CNTNAP5: variants seen among roughly 807,000 people sequenced by gnomAD.
CNTNAP5 encodes the protein contactin associated protein family member 5.
CNTNAP5 carries 72 observed loss-of-function variants against 150.2 expected under a neutral mutation model. The observed-to-expected ratio is 0.48, with a 90% confidence interval of 0.40 to 0.58. The LOEUF (loss-of-function observed/expected upper bound fraction) is 0.58. Ranked by LOEUF, CNTNAP5 falls within the 20% of genes least tolerant of loss-of-function variation. The pLI is 0.00. For synonymous variants in CNTNAP5, 672 were observed against 619.8 expected (o/e 1.08, Z -1.25); for missense variants, 1,636 against 1,626.2 (o/e 1.01, Z -0.10).
intron 3 of CNTNAP5, among the ~76,000 whole-genome samples, chr2:124,263,774 G>A (rs995985086): frequency 6.6e-6 from 1 of 152,198 alleles, no homozygotes; most frequent in East Asian, 1.9e-4. Flanking sequence ...GGGATTTTAT[G>A]GTTTTAGGTC....
At chr2:124,402,102 AG>A (rs898684176) in intron 3 of CNTNAP5, among the ~76,000 whole-genome samples, 25 of 152,344 alleles carry the variant, frequency 1.6e-4, no homozygotes, top group African/African-American at 6.0e-4. Flanking sequence ...TAACTTTCAC[AG>A]GGGTAAAAGA....
chr2:124,221,767 C>T lies in CNTNAP5; in HGVS notation c.145C>T (p.Leu49Phe). The T allele has an allele frequency of 1.9e-6, 3 of 1,611,234 alleles. No homozygotes were observed. The highest frequency in any genetic ancestry group is 2.5e-6 in the Non-Finnish European group (3 of 1,178,530). Residue 49 changes from leucine to phenylalanine, a missense_variant, in exon 2 of 24, where the codon CTC becomes TTC. Coordinates refer to ENST00000682447, the MANE Select transcript of CNTNAP5 (RefSeq NM_001367498.1). Reference sequence around the variant, plus strand: ...AATGGCTTTTTCCAGTTCCTCAGACCTCACTGGCACTCACAGCCCAGCTCA... The same window carrying T: ...AATGGCTTTTTCCAGTTCCTCAGACTTCACTGGCACTCACAGCCCAGCTCA... The part of the protein sequence containing the change: ...SPMAFSSSSD[L>F]TGTHSPAQLN...
chr2:124,642,769 G>T (rs952678861), intron 12 of CNTNAP5, among the ~76,000 whole-genome samples: 1 of 152,102 alleles, frequency 6.6e-6, no homozygotes, highest in South Asian at 2.1e-4. Context: ...ATGTACTCTG[G>T]TGGATAGCAG....
intron 3 of CNTNAP5, among the ~76,000 whole-genome samples, chr2:124,259,170 C>T (rs981507177): frequency 6.6e-6 from 1 of 152,062 alleles, no homozygotes; most frequent in African/African-American, 2.4e-5. Context: ...ATCCATGTCC[C>T]TACAAAGGAC....
At chr2:124,595,121 C>T (rs1696797867) in intron 11 of CNTNAP5, among the ~76,000 whole-genome samples, 1 of 148,596 alleles carries the variant, frequency 6.7e-6, no homozygotes, top group East Asian at 2.1e-4. Flanking sequence ...TAATTGAATA[C>T]CCTTTATTTC....
At chr2:124,640,237 T>C (rs1678062226) in intron 12 of CNTNAP5, among the ~76,000 whole-genome samples, 1 of 152,004 alleles carries the variant, frequency 6.6e-6, no homozygotes, top group Admixed American at 6.6e-5. Flanking sequence ...TCTTTGATCA[T>C]ACCTATTTTA....
chr2:124,361,056 G>A (rs200596368), intron 3 of CNTNAP5, among the ~76,000 whole-genome samples: 72,367 of 108,524 alleles, frequency 0.67, 25,740 homozygotes, highest in African/African-American at 0.78. Context: ...CATTTCATTC[G>A]TTTCATCTTC....
chr2:124,077,472 A>G (rs375844949), intron 1 of CNTNAP5, among the ~76,000 whole-genome samples: 10 of 152,252 alleles, frequency 6.6e-5, no homozygotes, highest in East Asian at 3.9e-4. Flanking sequence ...TCACTTAAAA[A>G]CAATCTGTCT....
intron 12 of CNTNAP5, among the ~76,000 whole-genome samples, chr2:124,636,652 G>A (rs1286623874): frequency 2.0e-5 from 3 of 148,678 alleles, no homozygotes; most frequent in Non-Finnish European, 4.6e-5. Flanking sequence ...GTGTGTGTGT[G>A]TCTGTGTGTG....
chr2:124,168,016 G>A (rs1684846498), intron 1 of CNTNAP5, among the ~76,000 whole-genome samples: 1 of 152,152 alleles, frequency 6.6e-6, no homozygotes, highest in South Asian at 2.1e-4. Context: ...CCCAGGATAA[G>A]TCAGTTCCTT....
intron 3 of CNTNAP5, among the ~76,000 whole-genome samples, chr2:124,392,729 GAAA>G (rs142485864): frequency 7.5e-6 from 1 of 132,738 alleles, no homozygotes; most frequent in Non-Finnish European, 1.6e-5. Context: ...AGGAGGGGAG[GAAA>G]AAAAAAAGAA....
At chr2:124,570,820 G>A (rs1230204679) in intron 11 of CNTNAP5, among the ~76,000 whole-genome samples, 2 of 152,316 alleles carry the variant, frequency 1.3e-5, no homozygotes, top group East Asian at 1.9e-4. Context: ...ACAGTAGAGA[G>A]AAGGATGACT....
chr2:124,609,651 C>T (rs1160773986), intron 11 of CNTNAP5, 150 bp from the exon 12 acceptor site: 1 of 645,724 alleles, frequency 1.5e-6, no homozygotes, highest in East Asian at 2.9e-5. Context: ...GCCACTGGTA[C>T]TGGTGTGTTA....
chr2:124,493,965 TACACAC>T (rs58843895), intron 7 of CNTNAP5, among the ~76,000 whole-genome samples: 63,740 of 143,510 alleles, frequency 0.44, 13,803 homozygotes, highest in Middle Eastern at 0.57. Context: ...AAACCATAAA[TACACAC>T]ACACACACAC....
At chr2:124,098,106 A>G (rs1682982696) in intron 1 of CNTNAP5, among the ~76,000 whole-genome samples, 1 of 152,210 alleles carries the variant, frequency 6.6e-6, no homozygotes, top group African/African-American at 2.4e-5. Context: ...ATAATAGCCT[A>G]TTATCGGCCA....
chr2:124,162,931 C>T (rs147274008), intron 1 of CNTNAP5, among the ~76,000 whole-genome samples: 91 of 152,222 alleles, frequency 6.0e-4, no homozygotes, highest in Middle Eastern at 3.4e-3. Flanking sequence ...CAAAGACAGA[C>T]AGAGTCCTTT....
intron 3 of CNTNAP5, among the ~76,000 whole-genome samples, chr2:124,275,201 T>C (rs1187967661): frequency 6.6e-6 from 1 of 152,122 alleles, no homozygotes; most frequent in African/African-American, 2.4e-5. Context: ...CATGTGTCAA[T>C]TGTGAGAGTT....
intron 10 of CNTNAP5, among the ~76,000 whole-genome samples, chr2:124,532,156 G>C (rs1215755375): frequency 6.6e-6 from 1 of 152,184 alleles, no homozygotes; most frequent in Non-Finnish European, 1.5e-5. Context: ...GGGGAGTAGA[G>C]TATGACTGGG....
At chr2:124,569,969 TACTC>T (rs749966447) in intron 11 of CNTNAP5, among the ~76,000 whole-genome samples, 32 of 152,324 alleles carry the variant, frequency 2.1e-4, no homozygotes, top group Non-Finnish European at 3.7e-4. Context: ...AAACATGCCT[TACTC>T]ACACTTGTAC....
Sources: gnomAD v4.1 joint callset for allele counts (sites outside exome capture counted in the v4.1 genomes callset) on GRCh38, gnomAD v4.1.1 for gene constraint, MANE v1.5 for transcripts, NCBI Gene and HGNC (gene_info 2026-07-23, HGNC 2026-07-21) for gene names.